The following SLC26A8 variants were observed in gnomAD, a reference collection of about 807,000 sequenced individuals.
The protein encoded by SLC26A8 is testis anion transporter 1.
SLC26A8 carries 70 observed loss-of-function variants against 105.0 expected under a neutral mutation model. The ratio of observed to expected loss-of-function variants is 0.67; its 90% CI spans 0.55 to 0.81. The LOEUF (loss-of-function observed/expected upper bound fraction) is 0.81, where lower values mean the gene tolerates loss of function less well. Among genes scored for constraint, SLC26A8 ranks in the 40% least tolerant of loss-of-function variants. The pLI, the probability that SLC26A8 is intolerant of heterozygous loss-of-function variation, is 0.00. For synonymous variants in SLC26A8, 415 were observed against 438.3 expected (o/e 0.95, Z 0.66); for missense variants, 998 against 1,181.8 (o/e 0.84, Z 2.28).
At chr6:35,949,650 G>A (rs898271003) in intron 19 of SLC26A8, among the ~76,000 whole-genome samples, 2 of 151,754 alleles carry the variant, frequency 1.3e-5, no homozygotes, top group East Asian at 1.9e-4. Context: ...CAAATATATC[G>A]AGTATCATAA....
chr6:36,024,388 G>C (rs1762205564), intron 1 of SLC26A8, 116 bp downstream of exon 1: 3 of 446,686 alleles, frequency 6.7e-6, no homozygotes, highest in South Asian at 4.7e-5. Context: ...TACTGACTGA[G>C]TGCCCACGGC....
At chr6:35,988,056 A>G (rs10755688) in intron 7 of SLC26A8, among the ~76,000 whole-genome samples, 85,121 of 151,484 alleles carry the variant, frequency 0.56, 24,273 homozygotes, top group South Asian at 0.71. Context: ...GATTACAGGC[A>G]CACGCCACCA....
intron 1 of SLC26A8, among the ~76,000 whole-genome samples, chr6:36,023,656 A>G (rs767990781): frequency 1.1e-4 from 16 of 152,068 alleles, no homozygotes; most frequent in Non-Finnish European, 1.8e-4. Flanking sequence ...TAGTTGCAGG[A>G]ATATCTTCCC....
chr6:35,953,779 G>A (rs1240342028), intron 17 of SLC26A8, among the ~76,000 whole-genome samples: 2 of 152,148 alleles, frequency 1.3e-5, no homozygotes, highest in Admixed American at 1.3e-4. Context: ...CTTGCCTCGG[G>A]TCAGAAGGAC....
intron 19 of SLC26A8, 137 bp downstream of exon 19, chr6:35,951,026 A>G (rs1160395041): frequency 1.2e-6 from 1 of 855,844 alleles, no homozygotes; most frequent in Non-Finnish European, 1.8e-6. Flanking sequence ...TGGTACAGCC[A>G]TACTAAATAC....
intron 7 of SLC26A8, among the ~76,000 whole-genome samples, chr6:35,983,682 G>C (rs1412841802): frequency 2.0e-5 from 3 of 152,002 alleles, no homozygotes; most frequent in Non-Finnish European, 4.4e-5. Context: ...TTCCTAAGTA[G>C]CTGGGATTAC....
chr6:36,008,029 A>C (rs1372908950), intron 3 of SLC26A8, among the ~76,000 whole-genome samples: 1 of 151,652 alleles, frequency 6.6e-6, no homozygotes, highest in Non-Finnish European at 1.5e-5. Flanking sequence ...CTAAGGCAGG[A>C]GAATGGCATG....
At chr6:35,972,229 A>G (rs1021994068) in intron 10 of SLC26A8, among the ~76,000 whole-genome samples, 2 of 152,212 alleles carry the variant, frequency 1.3e-5, no homozygotes, top group Non-Finnish European at 2.9e-5. Context: ...TGCAGTCCTA[A>G]GAAACTTTGA....
At chr6:35,952,529 G>C (rs1012621025) in intron 17 of SLC26A8, among the ~76,000 whole-genome samples, 1 of 152,134 alleles carries the variant, frequency 6.6e-6, no homozygotes, top group African/African-American at 2.4e-5. Flanking sequence ...TGAGCACTAA[G>C]TTAAAGTGTC....
intron 11 of SLC26A8, among the ~76,000 whole-genome samples, chr6:35,967,888 C>T (rs555829020): frequency 5.9e-5 from 9 of 152,314 alleles, no homozygotes; most frequent in East Asian, 1.9e-4. Flanking sequence ...CAGTCTCACT[C>T]GGTCACCCAG....
chr6:36,021,894 C>G (rs1401576036), intron 1 of SLC26A8, among the ~76,000 whole-genome samples: 1 of 152,124 alleles, frequency 6.6e-6, no homozygotes, highest in African/African-American at 2.4e-5. Context: ...TGGTCTTGAT[C>G]TCCTGACCTC....
intron 7 of SLC26A8, among the ~76,000 whole-genome samples, chr6:35,985,160 C>T (rs550400339): frequency 4.3e-4 from 66 of 152,122 alleles, no homozygotes; most frequent in African/African-American, 1.4e-3. Context: ...ATTTGTCCCA[C>T]CCTTCCAGAT....
chr6:35,968,637 A>G (rs1473054410), intron 11 of SLC26A8, among the ~76,000 whole-genome samples: 7,065 of 108,956 alleles, frequency 0.065, 771 homozygotes, highest in African/African-American at 0.25. Context: ...ATATATATAT[A>G]TATATATATA....
chr6:35,982,174 C>G lies in SLC26A8; in HGVS notation c.972G>C (p.Lys324Asn). 6.2e-7 allele frequency: 1 copy of G among 1,613,950 alleles called. No homozygotes were observed. Among genetic ancestry groups the G allele is most frequent in the Non-Finnish European group, 8.5e-7 (1 of 1,180,014 alleles). ...LIIGFTVIAN[K>N]ISMATETSQT... Reference sequence around the variant, plus strand: ...GGCTGGTTTCTGTGGCCATGCTTATCTTGTTTGCAATCACAGTGAAGCCAA... The same window carrying G: ...GGCTGGTTTCTGTGGCCATGCTTATGTTGTTTGCAATCACAGTGAAGCCAA... The change falls in exon 8 of 20, where the codon AAG (lysine) becomes AAC (asparagine). Residue 324 changes from lysine to asparagine, a missense_variant. Transcript: ENST00000490799.
intron 19 of SLC26A8, among the ~76,000 whole-genome samples, chr6:35,946,518 G>A (rs751368174): frequency 2.5e-4 from 38 of 152,090 alleles, no homozygotes; most frequent in Non-Finnish European, 4.6e-4. Context: ...TTACAGGCGT[G>A]AGGCCACACC....
In SLC26A8 at chr6:36,024,542, T is replaced by C. The variant is rs1562082689; in HGVS notation, c.-41A>G. On this transcript the variant is annotated 5_prime_UTR_variant, in exon 1 of 20. Transcript: ENST00000490799. ...GGGGGCGGGAGTGCGGGCGCTGGGA[T>C]CCCACACGGCTCTCGCCTGGCTGGC... 2.4e-6 allele frequency: 1 copy of C among 420,240 alleles called. No individual in the cohort carries two copies. Among genetic ancestry groups the C allele is most frequent in the Non-Finnish European group, 4.7e-6 (1 of 212,122 alleles). 26.0% of individuals were successfully genotyped at this position (420,240 alleles called of 1,614,324 possible).
intron 11 of SLC26A8, among the ~76,000 whole-genome samples, chr6:35,966,526 C>CCAG (rs1772522819): frequency 6.6e-6 from 1 of 151,970 alleles, no homozygotes. Context: ...CAGAGATAAC[C>CCAG]ACTGGTATGT....
intron 7 of SLC26A8, chr6:35,990,290 T>G: frequency 3.5e-6 from 1 of 284,304 alleles, no homozygotes; most frequent in South Asian, 3.7e-5. Context: ...TGTCCATTTT[T>G]GAGGCCATTT....
At chr6:35,973,022 C>T (rs1182205773) in intron 10 of SLC26A8, among the ~76,000 whole-genome samples, 1 of 152,178 alleles carries the variant, frequency 6.6e-6, no homozygotes, top group African/African-American at 2.4e-5. Flanking sequence ...ATGAAAGTCC[C>T]ACTTCTGCCA....
Sources: allele counts gnomAD v4.1 joint callset (sites outside exome capture counted in the v4.1 genomes callset), GRCh38; gene constraint gnomAD v4.1.1; transcripts MANE v1.5; gene names NCBI Gene and HGNC (gene_info 2026-07-23, HGNC 2026-07-21).